Variants in TCF7L2 observed in about 807,000 individuals in gnomAD.
The protein encoded by TCF7L2 is transcription factor 7-like 2.
TCF7L2 carries 23 observed loss-of-function variants against 77.9 expected under a neutral mutation model. That is an observed-to-expected ratio of 0.30 (90% CI 0.21 to 0.42). The LOEUF is 0.42. Ranked by LOEUF, TCF7L2 falls within the 10% of genes least tolerant of loss-of-function variation. The pLI is 1.00. For synonymous variants in TCF7L2, 413 were observed against 340.2 expected (o/e 1.21, Z -2.36); for missense variants, 654 against 793.1 (o/e 0.82, Z 2.11).
chr10:113,043,756 T>C (rs542877360), intron 5 of TCF7L2, among the ~76,000 whole-genome samples: 3 of 152,174 alleles, frequency 2.0e-5, no homozygotes, highest in Non-Finnish European at 4.4e-5. Flanking sequence ...TTTTGAAATT[T>C]ATATTTTTAA....
intron 3 of TCF7L2, among the ~76,000 whole-genome samples, chr10:112,952,207 G>A (rs1158119346): frequency 6.6e-6 from 1 of 152,170 alleles, no homozygotes; most frequent in Non-Finnish European, 1.5e-5. Context: ...AGGCTCCTTG[G>A]CTTTCTCTTT....
chr10:113,070,857 T>C (rs1235641711), intron 5 of TCF7L2, among the ~76,000 whole-genome samples: 2 of 152,234 alleles, frequency 1.3e-5, no homozygotes, highest in African/African-American at 2.4e-5. Flanking sequence ...ATTCAGGAGT[T>C]GTGCGAGCAT....
intron 4 of TCF7L2, among the ~76,000 whole-genome samples, chr10:112,990,069 G>C (rs2042250188): frequency 6.6e-6 from 1 of 152,088 alleles, no homozygotes; most frequent in Non-Finnish European, 1.5e-5. Flanking sequence ...ATTCCTGGTA[G>C]TACGTTTCCC....
intron 4 of TCF7L2, among the ~76,000 whole-genome samples, chr10:113,020,100 T>C (rs1356654012): frequency 6.6e-6 from 1 of 151,926 alleles, no homozygotes; most frequent in African/African-American, 2.4e-5. Flanking sequence ...TTTTTAGAAG[T>C]GAGTGTGTGT....
chr10:113,111,971 A>C (rs969317078), intron 5 of TCF7L2, among the ~76,000 whole-genome samples: 1 of 152,186 alleles, frequency 6.6e-6, no homozygotes, highest in African/African-American at 2.4e-5. Flanking sequence ...AGACAAAAAC[A>C]AGATGGTTTT....
intron 4 of TCF7L2, among the ~76,000 whole-genome samples, chr10:112,999,231 A>G (rs189141857): frequency 1.3e-5 from 2 of 152,278 alleles, no homozygotes; most frequent in African/African-American, 4.8e-5. Flanking sequence ...GGCCTGTGTA[A>G]TAGACGACTT....
intron 6 of TCF7L2, among the ~76,000 whole-genome samples, chr10:113,141,560 A>T (rs1272458924): frequency 2.0e-5 from 3 of 152,178 alleles, no homozygotes; most frequent in African/African-American, 7.2e-5. Context: ...AGATCTCTTT[A>T]TGGCTTCCAG....
intron 5 of TCF7L2, among the ~76,000 whole-genome samples, chr10:113,075,626 CATG>C: frequency 1.3e-5 from 2 of 152,162 alleles, no homozygotes; most frequent in African/African-American, 4.8e-5. Context: ...GCTGCACAGA[CATG>C]ATGATGTAAA....
chr10:112,988,667 G>A (rs2041998935), intron 4 of TCF7L2, among the ~76,000 whole-genome samples: 1 of 152,112 alleles, frequency 6.6e-6, no homozygotes, highest in Non-Finnish European at 1.5e-5. Flanking sequence ...AAATGGGGCT[G>A]GCATTATTCC....
At chr10:113,022,265 T>A (rs1224020487) in intron 4 of TCF7L2, among the ~76,000 whole-genome samples, 2 of 152,242 alleles carry the variant, frequency 1.3e-5, no homozygotes, top group African/African-American at 4.8e-5. Flanking sequence ...TCCACATGGC[T>A]GATTGTGCTC....
At chr10:113,089,519 T>A (rs1175052686) in intron 5 of TCF7L2, 2 of 1,613,626 alleles carry the variant, frequency 1.2e-6, no homozygotes, top group African/African-American at 2.7e-5. Context: ...TACAAAAAGT[T>A]GGGGAGCCCT....
At position 113,165,871 on chromosome 10, in the gene TCF7L2, T is replaced by C. The variant is rs2137655746; in HGVS notation, c.1708T>C (p.Ser570Pro). 1 of 1,606,122 alleles carries C rather than the reference T, an allele frequency of 6.2e-7. No homozygotes were observed. Among genetic ancestry groups the C allele is most frequent in the Non-Finnish European group, 8.5e-7 (1 of 1,175,318 alleles). ...CGCTTTGCAGCCTGCCGCCCCCTCC[T>C]CATCAATTGCACAGCCGTCGACTTC... Residue 570 changes from serine to proline, a missense_variant, in exon 14 of 14, where the codon TCA becomes CCA. Ser to Pro is a moderately conservative substitution (Grantham distance 74). Around this residue, in one of 6 missense-constraint regions of TCF7L2, gnomAD observed 272 missense variants for 215.4 expected, o/e 1.26. Coordinates refer to ENST00000627217, the MANE Select transcript of TCF7L2 (RefSeq NM_001146274.2).
chr10:112,952,497 A>G (rs1589590609), intron 3 of TCF7L2, among the ~76,000 whole-genome samples: 1 of 152,144 alleles, frequency 6.6e-6, no homozygotes, highest in East Asian at 1.9e-4. Flanking sequence ...GTTTGTGTGC[A>G]GCCGGAATGG....
chr10:113,104,026 G>C (rs994709504), intron 5 of TCF7L2, among the ~76,000 whole-genome samples: 1 of 152,112 alleles, frequency 6.6e-6, no homozygotes, highest in African/African-American at 2.4e-5. Context: ...TAAGTTGTTC[G>C]CTTCACTCCC....
chr10:113,075,342 C>T (rs930298467), intron 5 of TCF7L2, among the ~76,000 whole-genome samples: 6 of 151,964 alleles, frequency 3.9e-5, no homozygotes, highest in Admixed American at 3.3e-4. Flanking sequence ...ACCTGTAATC[C>T]GAGCTCTCCT....
intron 5 of TCF7L2, among the ~76,000 whole-genome samples, chr10:113,106,006 G>A (rs1224734968): frequency 6.6e-6 from 1 of 152,244 alleles, no homozygotes; most frequent in Admixed American, 6.5e-5. Flanking sequence ...ATAGTAAGAA[G>A]ATAGCAGTAA....
chr10:113,124,712 C>T (rs1270100404), intron 5 of TCF7L2, among the ~76,000 whole-genome samples: 1 of 151,510 alleles, frequency 6.6e-6, no homozygotes, highest in Non-Finnish European at 1.5e-5. Flanking sequence ...TTTAATTAGT[C>T]TTCTGCCTAT....
At chr10:113,153,213 C>T (rs552538332) in intron 11 of TCF7L2, among the ~76,000 whole-genome samples, 24 of 152,346 alleles carry the variant, frequency 1.6e-4, no homozygotes, top group African/African-American at 3.8e-4. Flanking sequence ...CCCATGAGCA[C>T]GCTGTCTTCC....
At position 113,166,309 on chromosome 10, in the gene TCF7L2, C is replaced by G. The variant is rs1203828317; in HGVS notation, c.*337C>G. ...TAGTTTTAAAAGACTGATTAAAAAA[C>G]AAAAAGAAAAAAAAAGCAATTTTGA... On this transcript the variant is annotated 3_prime_UTR_variant, in exon 14 of 14. Coordinates refer to ENST00000627217, the MANE Select transcript of TCF7L2 (RefSeq NM_001146274.2). 1 of 244,334 alleles carries G rather than the reference C, an allele frequency of 4.1e-6. No individual in the cohort carries two copies. Among genetic ancestry groups the G allele is most frequent in the Non-Finnish European group, 7.9e-6 (1 of 127,276 alleles). The allele number at this position is 244,334 out of a possible 1,614,324, so 15.1% of individuals were successfully genotyped here.
Sources: gnomAD v4.1 joint callset for allele counts (sites outside exome capture counted in the v4.1 genomes callset) on GRCh38, gnomAD v4.1.1 for gene constraint, gnomAD v4.1.1 regional missense constraint, MANE v1.5 for transcripts, NCBI Gene and HGNC (gene_info 2026-07-23, HGNC 2026-07-21) for gene names.